IGSF21: variants seen among roughly 807,000 people sequenced by gnomAD.
The protein encoded by IGSF21 is immunoglobin superfamily member 21.
A neutral mutation model predicts 46.8 loss-of-function variants in IGSF21; 28 were observed. That is an observed-to-expected ratio of 0.60 (90% CI 0.44 to 0.82). The LOEUF (loss-of-function observed/expected upper bound fraction) is 0.82, where lower values mean the gene tolerates loss of function less well. IGSF21 is among the 40% of genes least tolerant of loss of function. The pLI is 0.00. For missense variants in IGSF21, 624 were observed against 665.5 expected, an observed-to-expected ratio of 0.94 and a Z score of 0.69; for synonymous variants, 284 against 273.6, an observed-to-expected ratio of 1.04 and a Z score of -0.38.
At chr1:18,324,869 T>G (rs2085642518) in intron 3 of IGSF21, among the ~76,000 whole-genome samples, 1 of 152,146 alleles carries the variant, frequency 6.6e-6, no homozygotes. Context: ...ATTTCAGGAT[T>G]TCGGGTTATT....
intron 2 of IGSF21, among the ~76,000 whole-genome samples, chr1:18,249,988 G>A (rs897103902): frequency 8.6e-5 from 13 of 151,996 alleles, no homozygotes; most frequent in Non-Finnish European, 1.8e-4. Flanking sequence ...GTGTGGACAC[G>A]GAGGAGGCAG....
rs141155054 is a variant in IGSF21 at position 18,296,674 on chromosome 1, G to C, written c.305+4687G>C. Among the ~76,000 whole-genome samples, 121 of 152,194 alleles carry C rather than the reference G, an allele frequency of 8.0e-4. 1 individual carries two copies. In the South Asian group the frequency reaches 0.015, roughly 18 times the overall value. On this transcript the variant is annotated intron_variant, in intron 3 of 9. Coordinates refer to ENST00000251296, the MANE Select transcript of IGSF21 (RefSeq NM_032880.5). ...TGCTTAAAATATTCAATATACCAAGGTGCCAAATTTGAGGTGGCGTGTCCT... is the reference window on the plus strand; with the variant it reads ...TGCTTAAAATATTCAATATACCAAGCTGCCAAATTTGAGGTGGCGTGTCCT...
intron 6 of IGSF21, among the ~76,000 whole-genome samples, chr1:18,373,634 G>A (rs1557666638): frequency 6.6e-6 from 1 of 152,160 alleles, no homozygotes. Context: ...ATGCACACAG[G>A]AGCCCAGGAG....
chr1:18,347,805 C>T (rs142529823), intron 4 of IGSF21, among the ~76,000 whole-genome samples: 38 of 152,266 alleles, frequency 2.5e-4, no homozygotes, highest in Non-Finnish European at 4.6e-4. Context: ...CAAGGGAACT[C>T]GGAGCCTAGA....
At chr1:18,191,495 G>C (rs1050637027) in intron 1 of IGSF21, among the ~76,000 whole-genome samples, 10 of 152,100 alleles carry the variant, frequency 6.6e-5, no homozygotes, top group Non-Finnish European at 1.0e-4. Context: ...GAAGACTCTG[G>C]GGGAAGGAGG....
chr1:18,317,238 T>C (rs1326353405), intron 3 of IGSF21, among the ~76,000 whole-genome samples: 2 of 144,774 alleles, frequency 1.4e-5, no homozygotes, highest in Admixed American at 6.8e-5. Context: ...CTACTCCAGG[T>C]CTGTGGCTAG....
chr1:18,298,622 A>G (rs2085333695), intron 3 of IGSF21, among the ~76,000 whole-genome samples: 1 of 152,134 alleles, frequency 6.6e-6, no homozygotes, highest in Non-Finnish European at 1.5e-5. Flanking sequence ...CAGGAGGGAG[A>G]CTCGGGAGAG....
chr1:18,294,673 G>T (rs1416135485), intron 3 of IGSF21, among the ~76,000 whole-genome samples: 6 of 152,216 alleles, frequency 3.9e-5, no homozygotes, highest in African/African-American at 1.4e-4. Flanking sequence ...CCCCACATGG[G>T]GGCCAATCTC....
intron 1 of IGSF21, among the ~76,000 whole-genome samples, chr1:18,213,291 T>G (rs1273598212): frequency 1.3e-5 from 2 of 152,224 alleles, no homozygotes; most frequent in Non-Finnish European, 2.9e-5. Flanking sequence ...TGGAATGTAA[T>G]AGTAGACTAA....
chr1:18,144,276 C>T (rs1051942170), intron 1 of IGSF21, among the ~76,000 whole-genome samples: 2 of 152,158 alleles, frequency 1.3e-5, no homozygotes, highest in Non-Finnish European at 2.9e-5. Context: ...AAGCCTCAGT[C>T]GAGTTGGAAG....
intron 1 of IGSF21, among the ~76,000 whole-genome samples, chr1:18,178,087 G>C (rs1254518287): frequency 6.6e-6 from 1 of 152,100 alleles, no homozygotes; most frequent in East Asian, 1.9e-4. Flanking sequence ...AAGGAAGGCG[G>C]GGAAGTGGGG....
intron 9 of IGSF21, among the ~76,000 whole-genome samples, 166 bp downstream of exon 9, chr1:18,377,597 A>G (rs1411482360): frequency 6.6e-6 from 1 of 152,174 alleles, no homozygotes; most frequent in Non-Finnish European, 1.5e-5. Flanking sequence ...AAGTGGGCAG[A>G]GGTGGGTACT....
At chr1:18,246,730 G>T (rs1374680021) in intron 2 of IGSF21, among the ~76,000 whole-genome samples, 1 of 152,150 alleles carries the variant, frequency 6.6e-6, no homozygotes, top group African/African-American at 2.4e-5. Context: ...CACCCTGGCG[G>T]CACCAAAGAG....
chr1:18,225,075 TCTCTCTCTCTCACA>T (rs1457891380), intron 1 of IGSF21, among the ~76,000 whole-genome samples: 8 of 40,942 alleles, frequency 2.0e-4, no homozygotes, highest in African/African-American at 3.7e-4. Flanking sequence ...TCTCTCTCTC[TCTCTCTCTCTCACA>T]CACACACACA....
intron 3 of IGSF21, among the ~76,000 whole-genome samples, chr1:18,327,764 GC>G (rs2085671724): frequency 6.6e-6 from 1 of 152,154 alleles, no homozygotes; most frequent in African/African-American, 2.4e-5. Context: ...GGCACAAGGA[GC>G]TTTTTGGGAG....
At chr1:18,377,483 C>A (rs150892721) in intron 9 of IGSF21, 52 bp downstream of exon 9, 1 of 1,448,388 alleles carries the variant, frequency 6.9e-7, no homozygotes, top group African/African-American at 1.4e-5. Context: ...GCTTTTGAGG[C>A]GCCAGAAAGC....
intron 3 of IGSF21, among the ~76,000 whole-genome samples, chr1:18,296,839 C>G (rs1053543625): frequency 1.3e-5 from 2 of 152,192 alleles, no homozygotes; most frequent in African/African-American, 4.8e-5. Context: ...CCCTGAGGCC[C>G]TTGTCCCATT....
At chr1:18,178,262 T>G (rs2124466578) in intron 1 of IGSF21, among the ~76,000 whole-genome samples, 1 of 152,306 alleles carries the variant, frequency 6.6e-6, no homozygotes, top group East Asian at 1.9e-4. Flanking sequence ...CGTTATCCCC[T>G]TAATTATTCT....
At chr1:18,278,851 C>G in intron 2 of IGSF21, 1 of 471,510 alleles carries the variant, frequency 2.1e-6, no homozygotes, top group Non-Finnish European at 4.4e-6. Context: ...CCACTGCACC[C>G]AGCCCATGTT....
Sources: gnomAD v4.1 joint callset for allele counts (sites outside exome capture counted in the v4.1 genomes callset) on GRCh38, gnomAD v4.1.1 for gene constraint, MANE v1.5 for transcripts, NCBI Gene and HGNC (gene_info 2026-07-23, HGNC 2026-07-21) for gene names.